Variants in CYP3A5 observed in about 807,000 individuals in gnomAD.
The protein encoded by CYP3A5 is cytochrome P450 family 3 subfamily A member 5.
In CYP3A5, 51 loss-of-function variants were observed where a neutral mutation model predicts 55.9. The ratio of observed to expected loss-of-function variants is 0.91; its 90% CI spans 0.73 to 1.15. The LOEUF is 1.15. CYP3A5 is among the 50% of genes most tolerant of loss of function. The pLI is 0.00. For missense variants in CYP3A5, 533 were observed against 596.6 expected (o/e 0.89, Z 1.11); for synonymous variants, 196 against 213.9 (o/e 0.92, Z 0.73).
In CYP3A5 at chr7:99,672,599, G is replaced by C. The variant is rs41279857; in HGVS notation, c.299C>G (p.Ser100Cys). ...IRTVLVKECY[S>C]VFTNRRSLGP... is the part of the protein sequence containing the mutation. The stretch of plus-strand genomic sequence containing the variant: ...GCTTACCCTTCGATTTGTGAAGACA[G>C]AATAACATTCTTTCACTAGCACTGT... Residue 100 changes from serine to cysteine, a missense_variant, in exon 4 of 13, where the codon TCT becomes TGT. Coordinates refer to ENST00000222982, the MANE Select transcript of CYP3A5 (RefSeq NM_000777.5). The C allele has an allele frequency of 6.2e-7, 1 of 1,613,858 alleles. No homozygotes were observed. Among genetic ancestry groups the C allele is most frequent in the Non-Finnish European group, 8.5e-7 (1 of 1,179,784 alleles).
At chr7:99,651,958 C>T (rs1395295766) in intron 11 of CYP3A5, among the ~76,000 whole-genome samples, 2 of 152,154 alleles carry the variant, frequency 1.3e-5, no homozygotes, top group Non-Finnish European at 2.9e-5. Context: ...GAGGACTTCT[C>T]AGGACCTCAG....
In CYP3A5 at chr7:99,665,309, A is replaced by G; in HGVS notation, c.527T>C (p.Phe176Ser). 1 of 1,614,138 alleles carries G rather than the reference A, an allele frequency of 6.2e-7. No homozygotes were observed. The change falls in exon 7 of 13, where the codon TTT (phenylalanine) becomes TCT (serine). Residue 176 changes from phenylalanine to serine, a missense_variant. Transcript: ENST00000222982. ...KGKPVTLKDI[F>S]GAYSMDVITG... The stretch of plus-strand genomic sequence containing the variant: ...AATCACATCCATGCTGTAGGCCCCA[A>G]AGATGCTGAGTGGAGAAAGATATGG...
intron 10 of CYP3A5, chr7:99,660,214 CTTTTTTTTTTTTTTT>C (rs34318418): frequency 5.6e-5 from 24 of 429,912 alleles, no homozygotes; most frequent in South Asian, 3.5e-4. Flanking sequence ...CGCCACACTC[CTTTTTTTTTTTTTTT>C]TTTTTTTTTT....
Position 99,648,406 on chromosome 7 carries a change from A to G in CYP3A5, c.1414-6T>C. The G allele has an allele frequency of 3.1e-6, 5 of 1,598,130 alleles. No individual in the cohort carries two copies. The highest frequency in any genetic ancestry group is 4.3e-6 in the Non-Finnish European group (5 of 1,169,302). On this transcript the variant is annotated splice_polypyrimidine_tract_variant and splice_region_variant and intron_variant, in intron 12 of 12. Transcript: ENST00000222982. Reference sequence around the variant, plus strand: ...GTGTCTAATTTCAAGGGGATCTACAATAGTTAAACAAGCATATGGAGAATT... The same window carrying G: ...GTGTCTAATTTCAAGGGGATCTACAGTAGTTAAACAAGCATATGGAGAATT...
At chr7:99,660,245 T>TTTTTTTAA in intron 10 of CYP3A5, 1 of 738,740 alleles carries the variant, frequency 1.4e-6, no homozygotes. Flanking sequence ...TTTTTTTTTT[T>TTTTTTTAA]ACTTAGCATT....
rs746690864 is a variant in CYP3A5, at chr7:99,660,497, A to G, written c.1026+2T>C. On this transcript the variant is annotated splice_donor_variant, in intron 10 of 12. Transcript: ENST00000222982. LOFTEE classifies it high-confidence loss of function. ...CTTCATCTCCAGGGGTCATCCCCTC[A>G]CCTTATTGGGCAAAACTGCATCAAT... The G allele has an allele frequency of 6.2e-7, 1 of 1,608,548 alleles. No homozygotes were observed. Among genetic ancestry groups the G allele is most frequent in the Admixed American group, 1.7e-5 (1 of 59,142 alleles).
chr7:99,650,365 G>T, intron 11 of CYP3A5, 133 bp from the exon 12 acceptor site: 1 of 786,752 alleles, frequency 1.3e-6, no homozygotes. Context: ...TTGTGGGCTG[G>T]TCATTGAAAT....
chr7:99,678,225 G>A (rs1173788950), intron 1 of CYP3A5, among the ~76,000 whole-genome samples: 1 of 152,236 alleles, frequency 6.6e-6, no homozygotes, highest in Non-Finnish European at 1.5e-5. Flanking sequence ...TGGTGCCCCT[G>A]TGTCCAGGCT....
intron 4 of CYP3A5, among the ~76,000 whole-genome samples, chr7:99,670,409 G>T (rs756130205): frequency 1.2e-4 from 18 of 152,170 alleles, no homozygotes; most frequent in Non-Finnish European, 1.9e-4. Flanking sequence ...TCGACATGTT[G>T]GCTAAACATG....
chr7:99,652,722 C>A lies in CYP3A5; in HGVS notation c.1084G>T (p.Glu362Ter), dbSNP rs1448299493. 7 of 1,614,142 alleles carry A rather than the reference C, an allele frequency of 4.3e-6. No homozygotes were observed. The highest frequency in any genetic ancestry group is 1.3e-5 in the African/African-American group (1 of 75,044). Reference protein sequence around the residue: ...QMEYLDMVVNETLRLFPVAIR... With the variant: ...QMEYLDMVVN ...GCAACTGGGAATAATCTGAGTGTTTCATTCACCACCATGTCAAGGTACTCC... is the reference window on the plus strand; with the variant it reads ...GCAACTGGGAATAATCTGAGTGTTTAATTCACCACCATGTCAAGGTACTCC... The change falls in exon 11 of 13, where the codon GAA becomes TAA. Residue 362 changes from glutamate (E) to a stop codon, truncating the protein, a stop_gained. Coordinates refer to ENST00000222982, the MANE Select transcript of CYP3A5 (RefSeq NM_000777.5). LOFTEE classifies it high-confidence loss of function.
Position 99,648,278 on chromosome 7 carries a change from G to T in CYP3A5, c.*27C>A. 1.9e-6 allele frequency: 3 copies of T among 1,600,936 alleles called. No homozygotes were observed. Among genetic ancestry groups the T allele is most frequent in the South Asian group, 2.3e-5 (2 of 88,294 alleles). On this transcript the variant is annotated 3_prime_UTR_variant, in exon 13 of 13. Transcript: ENST00000222982. Reference sequence around the variant, plus strand: ...TGTTCTGGGGCACAGCTTTCTTGAAGACCAAAGTAGAAATCCTTAGAATAA... The same window carrying T: ...TGTTCTGGGGCACAGCTTTCTTGAATACCAAAGTAGAAATCCTTAGAATAA...
chr7:99,666,750 A>G (rs1352894974), intron 5 of CYP3A5, 61 bp from the exon 6 acceptor site: 1 of 1,612,922 alleles, frequency 6.2e-7, no homozygotes, highest in African/African-American at 1.3e-5. Flanking sequence ...CCAGAAGGAT[A>G]TGGCTTTCTC....
intron 10 of CYP3A5, among the ~76,000 whole-genome samples, chr7:99,656,935 T>C (rs1809799847): frequency 6.6e-6 from 1 of 152,216 alleles, no homozygotes; most frequent in Non-Finnish European, 1.5e-5. Context: ...ATATCCCCTT[T>C]ATCATTTTTA....
chr7:99,649,501 A>C lies in CYP3A5; in HGVS notation c.1413+572T>G, dbSNP rs182712827. Among the ~76,000 whole-genome samples, 146 of 152,336 alleles carry C rather than the reference A, an allele frequency of 9.6e-4. 1 individual carries two copies. Among genetic ancestry groups the C allele is most frequent in the African/African-American group, 3.3e-3 (139 of 41,586 alleles). Reference sequence around the variant, plus strand: ...TAGCCCTGCTCTATGGTAGTCCTTCATATCCACCAGAAATGCCTGAAATTA... The same window carrying C: ...TAGCCCTGCTCTATGGTAGTCCTTCCTATCCACCAGAAATGCCTGAAATTA... On this transcript the variant is annotated intron_variant, in intron 12 of 12. Transcript: ENST00000222982.
intron 3 of CYP3A5, among the ~76,000 whole-genome samples, chr7:99,673,860 C>A (rs1371122961): frequency 6.6e-6 from 1 of 152,176 alleles, no homozygotes; most frequent in East Asian, 1.9e-4. Flanking sequence ...AGTCCCTGGG[C>A]CACCAAAACC....
In CYP3A5 at chr7:99,648,242, G is replaced by T; in HGVS notation, c.*63C>A. ...ATTTCAAGGTTTTATTGACTAAGTT[G>T]AAATCTCTGGTGTTCTGGGGCACAG... is the stretch of plus-strand genomic sequence containing the variant. On this transcript the variant is annotated 3_prime_UTR_variant, in exon 13 of 13. Transcript: ENST00000222982. 1 of 1,573,734 alleles carries T rather than the reference G, an allele frequency of 6.4e-7. No individual in the cohort carries two copies. The highest frequency in any genetic ancestry group is 8.6e-7 in the Non-Finnish European group (1 of 1,159,174).
chr7:99,662,986 A>G lies in CYP3A5; in HGVS notation c.799-104T>C, dbSNP rs543526768. The G allele has an allele frequency of 2.3e-4, 356 of 1,540,862 alleles. 2 individuals carry two copies. Among genetic ancestry groups the G allele is most frequent in the Non-Finnish European group, 1.8e-4 (202 of 1,140,996 alleles). On this transcript the variant is annotated intron_variant, in intron 8 of 12. Coordinates refer to ENST00000222982, the MANE Select transcript of CYP3A5 (RefSeq NM_000777.5). The surrounding 1 kb of genome is among the most constrained non-coding windows in gnomAD (Gnocchi z 4.3). ...CTCCCTTCTTGACTTCCCTCCCTCA[A>G]CCTCCCTATGGCTTCTTGAAGACGT...
rs904198743 is a variant in CYP3A5 at position 99,671,885 on chromosome 7, A to G, written c.318+695T>C. ...TGCTGGTCGTTGCACAAATCTACGA[A>G]TGTGAAAAATTGCTTAGAACTACCC... is the stretch of plus-strand genomic sequence containing the variant. On this transcript the variant is annotated intron_variant, in intron 4 of 12. Coordinates refer to ENST00000222982, the MANE Select transcript of CYP3A5 (RefSeq NM_000777.5). 1.3e-5 allele frequency: 9 copies of G among 701,830 alleles called. No individual in the cohort carries two copies. The African/African-American group carries it at 1.4e-4, about 11-fold the overall frequency. 43.5% of individuals were successfully genotyped at this position (701,830 alleles called of 1,614,324 possible).
At chr7:99,654,085 A>ATT (rs769616402) in intron 10 of CYP3A5, among the ~76,000 whole-genome samples, 5 of 148,890 alleles carry the variant, frequency 3.4e-5, no homozygotes, top group African/African-American at 1.2e-4. Flanking sequence ...AGGTTTTTGA[A>ATT]TTTTTTTTTT....
Sources: gnomAD v4.1 joint callset for allele counts (sites outside exome capture counted in the v4.1 genomes callset) on GRCh38, gnomAD v4.1.1 for gene constraint, Gnocchi (gnomAD v3.1) non-coding constraint, MANE v1.5 for transcripts, NCBI Gene and HGNC (gene_info 2026-07-23, HGNC 2026-07-21) for gene names.